SH3PXD2A: variants seen among roughly 807,000 people sequenced by gnomAD.
The protein encoded by SH3PXD2A is SH3 and PX domain-containing protein 2A.
A neutral mutation model predicts 115.2 loss-of-function variants in SH3PXD2A; 32 were observed. The observed-to-expected ratio is 0.28, with a 90% CI of 0.21 to 0.37. The LOEUF (loss-of-function observed/expected upper bound fraction) is 0.37, where lower values mean the gene tolerates loss of function less well. Ranked by LOEUF, SH3PXD2A falls within the 10% of genes least tolerant of loss-of-function variation. SH3PXD2A has a pLI of 1.00. For missense variants in SH3PXD2A, 1,328 were observed against 1,498.7 expected, an observed-to-expected ratio of 0.89 and a Z score of 1.88; for synonymous variants, 610 against 629.1, an observed-to-expected ratio of 0.97 and a Z score of 0.45.
chr10:103,846,745 C>T (rs1220061688), intron 1 of SH3PXD2A, among the ~76,000 whole-genome samples: 1 of 152,178 alleles, frequency 6.6e-6, no homozygotes, highest in African/African-American at 2.4e-5. Context: ...GCTTGAGGAG[C>T]CAACCAACTA....
At chr10:103,836,650 G>A (rs1214363579) in intron 1 of SH3PXD2A, among the ~76,000 whole-genome samples, 1 of 142,218 alleles carries the variant, frequency 7.0e-6, no homozygotes, top group Non-Finnish European at 1.5e-5. Context: ...CCCAACACAC[G>A]AGTGCACACA....
intron 1 of SH3PXD2A, among the ~76,000 whole-genome samples, chr10:103,844,947 C>T (rs1842826673): frequency 6.6e-6 from 1 of 152,138 alleles, no homozygotes; most frequent in Admixed American, 6.5e-5. Context: ...GGGCTGCATT[C>T]CCAGATGTTT....
At chr10:103,798,108 G>T (rs950878984) in intron 2 of SH3PXD2A, among the ~76,000 whole-genome samples, 1 of 152,132 alleles carries the variant, frequency 6.6e-6, no homozygotes, top group African/African-American at 2.4e-5. Context: ...ATCTGAAGAG[G>T]GAGACATAAG....
At chr10:103,716,357 G>A (rs1440577320) in intron 5 of SH3PXD2A, among the ~76,000 whole-genome samples, 5 of 152,194 alleles carry the variant, frequency 3.3e-5, no homozygotes, top group Non-Finnish European at 5.9e-5. Context: ...GGATGGTTCT[G>A]GCCTGGCCTC....
intron 3 of SH3PXD2A, among the ~76,000 whole-genome samples, chr10:103,743,537 C>A (rs2038466662): frequency 6.7e-6 from 1 of 150,052 alleles, no homozygotes; most frequent in South Asian, 2.1e-4. Flanking sequence ...GCACACAACA[C>A]CCGACTACAT....
At chr10:103,770,439 G>A (rs987170813) in intron 2 of SH3PXD2A, among the ~76,000 whole-genome samples, 3 of 152,172 alleles carry the variant, frequency 2.0e-5, no homozygotes, top group African/African-American at 4.8e-5. Context: ...GGCTTCAAGC[G>A]ATCCTCCTAC....
intron 1 of SH3PXD2A, among the ~76,000 whole-genome samples, chr10:103,803,700 G>T (rs2039169151): frequency 6.6e-6 from 1 of 152,172 alleles, no homozygotes; most frequent in Non-Finnish European, 1.5e-5. Flanking sequence ...GAACTACTTT[G>T]ATCAGGACTG....
At chr10:103,661,705 C>T in intron 7 of SH3PXD2A, 3 of 985,274 alleles carry the variant, frequency 3.0e-6, no homozygotes, top group Non-Finnish European at 3.6e-6. Flanking sequence ...AGAGCTTCTC[C>T]ACGGCCCAGG....
At chr10:103,768,940 G>C (rs904973402) in intron 2 of SH3PXD2A, among the ~76,000 whole-genome samples, 4 of 152,078 alleles carry the variant, frequency 2.6e-5, no homozygotes, top group African/African-American at 9.7e-5. Flanking sequence ...GAGGGCAAGG[G>C]GGAGGCGCCA....
At chr10:103,608,150 T>TAAAAAAAAAAAAAAAAAGTTTACC (rs768102863) in intron 13 of SH3PXD2A, among the ~76,000 whole-genome samples, 1 of 32,670 alleles carries the variant, frequency 3.1e-5, no homozygotes, top group African/African-American at 2.4e-4. Flanking sequence ...ATGATCAATT[T>TAAAAAAAAAAAAAAAAAGTTTACC]AAAAAAAAAA....
In SH3PXD2A at chr10:103,601,932, C is replaced by T; in HGVS notation, c.3286G>A (p.Val1096Met). The T allele has an allele frequency of 6.2e-7, 1 of 1,613,962 alleles. No individual in the cohort carries two copies. The highest frequency in any genetic ancestry group is 8.5e-7 in the Non-Finnish European group (1 of 1,179,864). Residue 1096 changes from valine (V) to methionine (M), a missense_variant, in exon 15 of 15, where the codon GTG becomes ATG. By Grantham distance (21) the Val-to-Met change is conservative. Around this residue, in one of 5 missense-constraint regions of SH3PXD2A, gnomAD observed 45 missense variants for 73.6 expected, o/e 0.61. Transcript: ENST00000369774. Reference protein sequence around the residue: ...DEETAGFQEGVSMEVLERNPN... With the variant: ...DEETAGFQEGMSMEVLERNPN... ...TTCCTCTCCAGAACCTCCATGGACA[C>T]CCCCTCCTGGAAGCCTGCTGTCTCC...
At chr10:103,682,848 C>T (rs938550239) in intron 6 of SH3PXD2A, among the ~76,000 whole-genome samples, 1 of 151,998 alleles carries the variant, frequency 6.6e-6, no homozygotes, top group South Asian at 2.1e-4. Flanking sequence ...TGAAATGGGC[C>T]ATTGGAGGGT....
chr10:103,608,149 T>TAAAAAAAAAAAAAAAAAAAG (rs1564842891), intron 13 of SH3PXD2A, among the ~76,000 whole-genome samples: 4 of 6,464 alleles, frequency 6.2e-4, no homozygotes, highest in East Asian at 0.25. Flanking sequence ...AATGATCAAT[T>TAAAAAAAAAAAAAAAAAAAG]TAAAAAAAAA....
chr10:103,631,400 T>C (rs2133965362), intron 8 of SH3PXD2A, among the ~76,000 whole-genome samples: 1 of 152,336 alleles, frequency 6.6e-6, no homozygotes, highest in South Asian at 2.1e-4. Context: ...GGTTTTTCTC[T>C]CTCAAAATAC....
chr10:103,769,134 CTGTGTGTGTGTGTGTGTGTG>C (rs67426639), intron 2 of SH3PXD2A, among the ~76,000 whole-genome samples: 14,431 of 141,984 alleles, frequency 0.1, 841 homozygotes, highest in Non-Finnish European at 0.12. Flanking sequence ...AGGCTAGACT[CTGTGTGTGTGTGTGTGTGTG>C]TGTGTGTGTG....
rs2037389533 is a variant in SH3PXD2A, at chr10:103,666,850, G to T, written c.472+1758C>A. Among the ~76,000 whole-genome samples, 3 of 152,216 alleles carry T rather than the reference G, an allele frequency of 2.0e-5. No individual in the cohort carries two copies. The highest frequency in any genetic ancestry group is 6.5e-5 in the Admixed American group (1 of 15,290). On this transcript the variant is annotated intron_variant, in intron 7 of 14. Transcript: ENST00000369774. The surrounding 1 kb of genome is among the most constrained non-coding windows in gnomAD (Gnocchi z 4.5). ...GGTTCCTTCGTGGGCTCACCAGCAG[G>T]CAGCTCGGTGCCAGGGCTGCAGGTG...
At chr10:103,677,275 G>A (rs2134096836) in intron 6 of SH3PXD2A, among the ~76,000 whole-genome samples, 2 of 152,330 alleles carry the variant, frequency 1.3e-5, no homozygotes, top group Middle Eastern at 6.8e-3. Context: ...CTGTCTCAAA[G>A]CATCAGACAC....
intron 1 of SH3PXD2A, among the ~76,000 whole-genome samples, chr10:103,812,386 A>C (rs1469548583): frequency 1.3e-5 from 2 of 152,228 alleles, no homozygotes; most frequent in African/African-American, 4.8e-5. Flanking sequence ...CCAGACATTC[A>C]GGAGCCAGAG....
chr10:103,834,854 A>C (rs1169437469), intron 1 of SH3PXD2A, among the ~76,000 whole-genome samples: 1 of 152,252 alleles, frequency 6.6e-6, no homozygotes, highest in Non-Finnish European at 1.5e-5. Flanking sequence ...TGCGGCCTGT[A>C]ACCACTATGT....
Sources: gnomAD v4.1 joint callset for allele counts (sites outside exome capture counted in the v4.1 genomes callset) on GRCh38, gnomAD v4.1.1 for gene constraint, gnomAD v4.1.1 regional missense constraint, Gnocchi (gnomAD v3.1) non-coding constraint, MANE v1.5 for transcripts, NCBI Gene and HGNC (gene_info 2026-07-23, HGNC 2026-07-21) for gene names.